The following MYO18B variants were observed in gnomAD, a reference collection of about 807,000 sequenced individuals.
MYO18B encodes the protein myosin XVIIIB, also known as unconventional myosin-XVIIIb.
A neutral mutation model predicts 273.0 loss-of-function variants in MYO18B; 204 were observed. The observed-to-expected ratio is 0.75, with a 90% CI of 0.67 to 0.84. MYO18B has a LOEUF of 0.84. Among genes scored for constraint, MYO18B ranks in the 40% least tolerant of loss-of-function variants. The pLI, the probability that MYO18B is intolerant of heterozygous loss-of-function variation, is 0.00. For missense variants in MYO18B, 3,212 were observed against 3,287.6 expected, an observed-to-expected ratio of 0.98 and a Z score of 0.56; for synonymous variants, 1,330 against 1,305.7, an observed-to-expected ratio of 1.02 and a Z score of -0.40.
At chr22:25,990,652 A>T (rs1157547997) in intron 39 of MYO18B, among the ~76,000 whole-genome samples, 1 of 127,596 alleles carries the variant, frequency 7.8e-6, no homozygotes, top group Admixed American at 9.8e-5. Flanking sequence ...ATGCCACTGC[A>T]CTCCAGGCTG....
At chr22:25,991,547 G>C (rs1467340000) in intron 39 of MYO18B, among the ~76,000 whole-genome samples, 2 of 152,196 alleles carry the variant, frequency 1.3e-5, no homozygotes, top group African/African-American at 4.8e-5. Context: ...ATTAAAGTCA[G>C]AGATTTTCCC....
At chr22:25,891,178 G>A (rs1459670139) in intron 26 of MYO18B, 126 bp from the exon 27 acceptor site, 11 of 768,972 alleles carry the variant, frequency 1.4e-5, no homozygotes, top group Non-Finnish European at 2.3e-5. Context: ...CATGGTCCTG[G>A]ATTCTGCATG....
intron 21 of MYO18B, among the ~76,000 whole-genome samples, chr22:25,863,263 C>A (rs2090792312): frequency 6.6e-6 from 1 of 151,890 alleles, no homozygotes; most frequent in Non-Finnish European, 1.5e-5. Context: ...TCTTTTAGTT[C>A]TTTGAACATA....
chr22:25,943,540 C>T (rs1393646088), intron 34 of MYO18B, among the ~76,000 whole-genome samples: 1 of 152,092 alleles, frequency 6.6e-6, no homozygotes, highest in Non-Finnish European at 1.5e-5. Flanking sequence ...TCTTCAGCAT[C>T]TCCTCCTCCT....
At chr22:25,954,907 G>A (rs1335313331) in intron 38 of MYO18B, among the ~76,000 whole-genome samples, 2 of 152,000 alleles carry the variant, frequency 1.3e-5, no homozygotes, top group Non-Finnish European at 2.9e-5. Flanking sequence ...AAGGGATTTC[G>A]CCATGTTGGC....
At chr22:25,908,250 C>T (rs940551114) in intron 31 of MYO18B, 72 bp from the exon 32 acceptor site, 1 of 1,213,944 alleles carries the variant, frequency 8.2e-7, no homozygotes, top group East Asian at 2.6e-5. Flanking sequence ...AATTGGAATG[C>T]CAAGGATGAC....
intron 33 of MYO18B, among the ~76,000 whole-genome samples, chr22:25,915,520 C>T (rs897494880): frequency 3.3e-5 from 5 of 152,024 alleles, no homozygotes; most frequent in African/African-American, 1.2e-4. Flanking sequence ...ATGGGACCAC[C>T]GTTGTATATA....
At chr22:25,808,969 A>G (rs921330877) in intron 12 of MYO18B, among the ~76,000 whole-genome samples, 1 of 152,034 alleles carries the variant, frequency 6.6e-6, no homozygotes, top group Non-Finnish European at 1.5e-5. Context: ...TTTGAGACAG[A>G]GTCTTGCTCT....
At chr22:26,040,029 C>T in the MYO18B span, among the ~76,000 whole-genome samples, 9 of 152,084 alleles carry the variant, frequency 5.9e-5, no homozygotes, top group Admixed American at 2.0e-4. Context: ...GTTTCTGCCA[C>T]GTTGCCGAGA....
chr22:25,794,443 C>T (rs1381940057), intron 11 of MYO18B, among the ~76,000 whole-genome samples: 1 of 152,144 alleles, frequency 6.6e-6, no homozygotes, highest in African/African-American at 2.4e-5. Flanking sequence ...ACCTCAGCCT[C>T]CCAAAGTGCT....
intron 12 of MYO18B, among the ~76,000 whole-genome samples, chr22:25,809,614 C>T (rs189285885): frequency 2.3e-3 from 354 of 152,226 alleles, no homozygotes; most frequent in Non-Finnish European, 3.8e-3. Flanking sequence ...CCTCACTCCC[C>T]GCCTGCTACC....
At chr22:25,986,215 C>T (rs2146814753) in intron 39 of MYO18B, among the ~76,000 whole-genome samples, 1 of 152,328 alleles carries the variant, frequency 6.6e-6, no homozygotes, top group Non-Finnish European at 1.5e-5. Context: ...TCAGCCTGCT[C>T]ATCTGTAAAA....
chr22:25,804,934 G>A (rs541291411), intron 12 of MYO18B, among the ~76,000 whole-genome samples: 24 of 152,304 alleles, frequency 1.6e-4, no homozygotes, highest in African/African-American at 5.3e-4. Context: ...TCCATGCTGC[G>A]CAAAAGGTGT....
At chr22:25,960,611 C>G (rs551181948) in intron 39 of MYO18B, among the ~76,000 whole-genome samples, 11 of 152,322 alleles carry the variant, frequency 7.2e-5, no homozygotes, top group African/African-American at 2.6e-4. Context: ...ATTGCAGCAA[C>G]CTGTCTCCCT....
chr22:25,988,105 G>A (rs951684498), intron 39 of MYO18B, among the ~76,000 whole-genome samples: 2 of 151,752 alleles, frequency 1.3e-5, no homozygotes, highest in Non-Finnish European at 2.9e-5. Flanking sequence ...GTTGCCTCCC[G>A]CCCACTTCCT....
At chr22:25,889,864 T>C (rs2091610166) in intron 25 of MYO18B, among the ~76,000 whole-genome samples, 1 of 152,224 alleles carries the variant, frequency 6.6e-6, no homozygotes, top group Non-Finnish European at 1.5e-5. Context: ...TTTAAATCAC[T>C]GCATTTCTGA....
chr22:25,855,369 T>C (rs1158046949), intron 21 of MYO18B, among the ~76,000 whole-genome samples: 1 of 150,426 alleles, frequency 6.6e-6, no homozygotes, highest in Non-Finnish European at 1.5e-5. Context: ...CCGCAAGCTC[T>C]GCCTCCCGGG....
intron 34 of MYO18B, among the ~76,000 whole-genome samples, chr22:25,922,966 G>A (rs2092369994): frequency 6.6e-6 from 1 of 152,274 alleles, no homozygotes; most frequent in Admixed American, 6.5e-5. Flanking sequence ...CCTCTCCCGG[G>A]ATCCAACCCG....
chr22:25,921,722 GTGTGTGTGTGTGTGTGTGTA>G (rs908047222), intron 34 of MYO18B, among the ~76,000 whole-genome samples: 2 of 61,314 alleles, frequency 3.3e-5, no homozygotes, highest in Non-Finnish European at 1.0e-4. Flanking sequence ...GTGTGTGTGT[GTGTGTGTGTGTGTGTGTGTA>G]TGTGTATGTG....
Sources: gnomAD v4.1 joint callset for allele counts (sites outside exome capture counted in the v4.1 genomes callset) on GRCh38, gnomAD v4.1.1 for gene constraint, MANE v1.5 for transcripts, NCBI Gene and HGNC (gene_info 2026-07-23, HGNC 2026-07-21) for gene names.